CNEP1R1: variants seen among roughly 807,000 people sequenced by gnomAD.
CNEP1R1 encodes the protein CTD nuclear envelope phosphatase 1 regulatory subunit 1, also known as nuclear envelope phosphatase-regulatory subunit 1.
A neutral mutation model predicts 22.7 loss-of-function variants in CNEP1R1; 10 were observed. The ratio of observed to expected loss-of-function variants is 0.44; its 90% CI spans 0.27 to 0.75. The LOEUF (loss-of-function observed/expected upper bound fraction) is 0.75, where lower values mean the gene tolerates loss of function less well. Among genes scored for constraint, CNEP1R1 ranks in the 30% least tolerant of loss-of-function variants. The pLI is 0.17. For missense variants in CNEP1R1, 73 were observed against 151.5 expected (o/e 0.48, Z 2.72); for synonymous variants, 53 against 50.1 (o/e 1.06, Z -0.25).
intron 4 of CNEP1R1, among the ~76,000 whole-genome samples, chr16:50,033,810 G>T (rs376860762): frequency 6.7e-6 from 1 of 149,516 alleles, no homozygotes; most frequent in African/African-American, 2.5e-5. Flanking sequence ...GTTGCAGTGA[G>T]CTGAAATCAC....
intron 3 of CNEP1R1, 88 bp from the exon 4 acceptor site, chr16:50,033,306 ATAT>A: frequency 1.9e-6 from 1 of 530,950 alleles, no homozygotes; most frequent in Non-Finnish European, 3.3e-6. Flanking sequence ...ATGATAAAAA[ATAT>A]TATATATATT....
chr16:50,034,072 A>G, intron 4 of CNEP1R1, 30 bp from the exon 5 acceptor site: 1 of 1,561,770 alleles, frequency 6.4e-7, no homozygotes, highest in South Asian at 1.2e-5. Context: ...TCTTGAAATG[A>G]GAAATTTTCC....
intron 1 of CNEP1R1, 103 bp downstream of exon 1, chr16:50,025,443 A>G: frequency 7.9e-7 from 1 of 1,268,020 alleles, no homozygotes; most frequent in Non-Finnish European, 1.1e-6. Context: ...AGGAGGCCGC[A>G]GAGGATGGAG....
chr16:50,033,018 A>C (rs1369998794), intron 3 of CNEP1R1, among the ~76,000 whole-genome samples: 1 of 152,064 alleles, frequency 6.6e-6, no homozygotes, highest in Admixed American at 6.6e-5. Flanking sequence ...AAAAAAAAAA[A>C]ACAGGGAAGG....
intron 1 of CNEP1R1, 187 bp downstream of exon 1, chr16:50,025,527 T>A: frequency 2.7e-6 from 3 of 1,112,726 alleles, no homozygotes; most frequent in Non-Finnish European, 2.6e-6. Context: ...CTCAGCTCCC[T>A]GAGTCCCCAC....
rs1324215881 is a variant in CNEP1R1 at position 50,036,435 on chromosome 16, G to A, written c.*977G>A. ...ATTACAGGCATAAGCCACCGTGCCT[G>A]GCCTCTTTAATAATTTTTAAAATAC... On this transcript the variant is annotated 3_prime_UTR_variant, in exon 6 of 6. Transcript: ENST00000427478. 2.6e-5 allele frequency: 4 copies of A among 152,010 alleles called. No homozygotes were observed. The highest frequency in any genetic ancestry group is 5.9e-5 in the Non-Finnish European group (4 of 68,012). 9.4% of individuals were successfully genotyped at this position (152,010 alleles called of 1,614,324 possible).
At chr16:50,029,021 C>T (rs552853949) in intron 2 of CNEP1R1, among the ~76,000 whole-genome samples, 3 of 152,150 alleles carry the variant, frequency 2.0e-5, no homozygotes, top group Non-Finnish European at 2.9e-5. Context: ...AGCTGAAAGA[C>T]AGGCAACGGT....
chr16:50,026,592 T>G, intron 2 of CNEP1R1, 125 bp downstream of exon 2: 1 of 715,422 alleles, frequency 1.4e-6, no homozygotes, highest in Non-Finnish European at 2.3e-6. Flanking sequence ...CAATGCCTTA[T>G]GAAGAAATTT....
rs1325104920 is a variant in CNEP1R1, at chr16:50,035,980, TGAG to T, written c.*525_*527del. On this transcript the variant is annotated 3_prime_UTR_variant, in exon 6 of 6. Transcript: ENST00000427478. Reference sequence around the variant, plus strand: ...GAAAAACATTGGATTCAGCTTAGACTGAGGAAAACTCTCCATTATGTTGTAAGA... The same window carrying T: ...GAAAAACATTGGATTCAGCTTAGACTGAAAACTCTCCATTATGTTGTAAGA... 1 of 152,834 alleles carries T rather than the reference TGAG, an allele frequency of 6.5e-6. No homozygotes were observed. Among genetic ancestry groups the T allele is most frequent in the Non-Finnish European group, 1.5e-5 (1 of 68,216 alleles). The allele number at this position is 152,834 out of a possible 1,614,324, so 9.5% of individuals were successfully genotyped here. A position where few individuals can be genotyped will look rare whatever the true frequency, so the allele number is the denominator to read the frequency against.
intron 2 of CNEP1R1, among the ~76,000 whole-genome samples, chr16:50,029,369 G>T (rs1327228749): frequency 1.3e-5 from 2 of 152,070 alleles, no homozygotes; most frequent in Admixed American, 1.3e-4. Context: ...AAATGAGTTT[G>T]TTTTTTTAAT....
chr16:50,034,371 T>C, intron 5 of CNEP1R1: 2 of 526,266 alleles, frequency 3.8e-6, no homozygotes, highest in South Asian at 2.2e-5. Context: ...ATTGGGAGAG[T>C]TGACAATTTA....
chr16:50,031,437 A>G (rs1040182526), intron 3 of CNEP1R1, among the ~76,000 whole-genome samples: 6 of 152,286 alleles, frequency 3.9e-5, no homozygotes, highest in Non-Finnish European at 7.4e-5. Flanking sequence ...TTAAGGCTGC[A>G]CTTGGTAGTC....
chr16:50,035,712 G>A lies in CNEP1R1; in HGVS notation c.*254G>A. The A allele has an allele frequency of 2.3e-6, 1 of 435,934 alleles. No individual in the cohort carries two copies. Among genetic ancestry groups the A allele is most frequent in the Non-Finnish European group, 4.1e-6 (1 of 244,662 alleles). 27.0% of individuals were successfully genotyped at this position (435,934 alleles called of 1,614,324 possible). ...AGATCCTGCAAATATTTTTGCAGAT[G>A]AAGTATGTATGTATGTTACTAAGTT... On this transcript the variant is annotated 3_prime_UTR_variant, in exon 6 of 6. Transcript: ENST00000427478.
At chr16:50,025,885 C>T in intron 1 of CNEP1R1, 1 of 597,192 alleles carries the variant, frequency 1.7e-6, no homozygotes, top group South Asian at 2.0e-5. Flanking sequence ...CACCCACTCG[C>T]TATCAGTGTC....
chr16:50,033,835 G>C (rs2036252100), intron 4 of CNEP1R1, among the ~76,000 whole-genome samples: 1 of 147,570 alleles, frequency 6.8e-6, no homozygotes, highest in Non-Finnish European at 1.5e-5. Flanking sequence ...CTGCACTCCA[G>C]CCTGGGCGAC....
Position 50,029,758 on chromosome 16 carries a change from C to T in CNEP1R1, c.131C>T (p.Thr44Ile), listed in dbSNP as rs745807082. The T allele has an allele frequency of 1.2e-6, 2 of 1,611,136 alleles. No individual in the cohort carries two copies. The highest frequency in any genetic ancestry group is 1.7e-6 in the Non-Finnish European group (2 of 1,177,842). ...ATAGTGGTATCTGTCTGTACAGCTA[C>T]TGGTGCCTGGAACTGGTTAATAGAC... ...LLIVVSVCTA[T>I]GAWNWLIDPE... The change falls in exon 3 of 6, where the codon ACT becomes ATT. Residue 44 changes from threonine to isoleucine, a missense_variant. By Grantham distance (89) the Thr-to-Ile change is moderately conservative. Transcript: ENST00000427478.
chr16:50,025,558 C>T (rs1172634930), intron 1 of CNEP1R1: 11 of 1,319,128 alleles, frequency 8.3e-6, no homozygotes, highest in East Asian at 2.4e-5. Context: ...GGTCGACCTC[C>T]TCGCCAGCTT....
chr16:50,029,840 A>G, intron 3 of CNEP1R1, 42 bp downstream of exon 3: 1 of 1,138,118 alleles, frequency 8.8e-7, no homozygotes, highest in Non-Finnish European at 1.3e-6. Context: ...ATTAAATGAG[A>G]TAATGGATAT....
intron 2 of CNEP1R1, among the ~76,000 whole-genome samples, chr16:50,029,195 CCTTT>C (rs1290577730): frequency 6.6e-6 from 1 of 152,144 alleles, no homozygotes; most frequent in African/African-American, 2.4e-5. Context: ...TTCTACCCTA[CCTTT>C]CTTTAAGTCT....
Sources: gnomAD v4.1 joint callset for allele counts (sites outside exome capture counted in the v4.1 genomes callset) on GRCh38, gnomAD v4.1.1 for gene constraint, MANE v1.5 for transcripts, NCBI Gene and HGNC (gene_info 2026-07-23, HGNC 2026-07-21) for gene names.